SQSTM1: variants seen among roughly 807,000 people sequenced by gnomAD.
SQSTM1 encodes the protein sequestosome-1.
Under a neutral mutation model 45.1 loss-of-function variants are expected in SQSTM1, and 36 were observed. The ratio of observed to expected loss-of-function variants is 0.80; its 90% confidence interval spans 0.61 to 1.05. The LOEUF (loss-of-function observed/expected upper bound fraction) is 1.05. SQSTM1 is among the 50% of genes least tolerant of loss of function. The pLI is 0.00. For missense variants in SQSTM1, 617 were observed against 607.1 expected (o/e 1.02, Z -0.17); for synonymous variants, 290 against 244.3 (o/e 1.19, Z -1.74).
At chr5:179,809,717 C>T (rs138614863) in intron 1 of SQSTM1, among the ~76,000 whole-genome samples, 2,755 of 143,330 alleles carry the variant, frequency 0.019, 70 homozygotes, top group East Asian at 0.16. Context: ...GATCTGGGCT[C>T]ACTGCAACCT....
At chr5:179,808,117 TG>T (rs991620885) in intron 1 of SQSTM1, 3 of 152,318 alleles carry the variant, frequency 2.0e-5, no homozygotes, top group Non-Finnish European at 2.9e-5. Flanking sequence ...TGGTGGAGGC[TG>T]CAGGGACCTC....
At chr5:179,814,103 C>T (rs765036633), upstream of SQSTM1, among the ~76,000 whole-genome samples, 5 of 152,208 alleles carry the variant, frequency 3.3e-5, no homozygotes, top group Non-Finnish European at 5.9e-5. Flanking sequence ...CCTGACCAGC[C>T]TGTGCAATAC....
At chr5:179,823,269 C>G (rs1444060098) in intron 2 of SQSTM1, among the ~76,000 whole-genome samples, 1 of 151,806 alleles carries the variant, frequency 6.6e-6, no homozygotes, top group Non-Finnish European at 1.5e-5. Context: ...AGTTTAAGAA[C>G]AGCCTGGCCA....
chr5:179,833,890 C>T (rs2079227878), intron 7 of SQSTM1, 108 bp downstream of exon 7: 6 of 1,265,554 alleles, frequency 4.7e-6, no homozygotes, highest in Non-Finnish European at 6.8e-6. Context: ...TTCTCCACTG[C>T]AGGGCTGTCT....
At position 179,820,941 on chromosome 5, in the gene SQSTM1, C is replaced by G. The variant is rs377371202; in HGVS notation, c.5C>G (p.Ala2Gly). The G allele has an allele frequency of 7.1e-6, 11 of 1,551,008 alleles. 1 individual carries two copies. Among genetic ancestry groups the G allele is most frequent in the Non-Finnish European group, 8.7e-6 (10 of 1,154,504 alleles). M[A>G]SLTVKAYLLG... ...TCCGCCAGCTCGCCGCTCGCTATGG[C>G]GTCGCTCACCGTGAAGGCCTACCTT... The change falls in exon 1 of 8, where the codon GCG becomes GGG. Residue 2 changes from alanine to glycine, a missense_variant. Ala to Gly is a moderately conservative substitution (Grantham distance 60, BLOSUM62 0). Transcript: ENST00000389805.
Position 179,821,101 on chromosome 5 carries a change from C to T in SQSTM1, c.165C>T (p.Phe55=), listed in dbSNP as rs886060501. 5.6e-6 allele frequency: 8 copies of T among 1,421,348 alleles called. No homozygotes were observed. Among genetic ancestry groups the T allele is most frequent in the South Asian group, 1.4e-5 (1 of 69,618 alleles). The allele number at this position is 1,421,348 out of a possible 1,614,324, so 88.0% of individuals were successfully genotyped here. Residue 55 remains phenylalanine (F), a synonymous_variant, in exon 1 of 8, where the codon TTC becomes TTT. Coordinates refer to ENST00000389805, the MANE Select transcript of SQSTM1 (RefSeq NM_003900.5). ...TGCTGAGCCGGGTGGCCGCCCTGTT[C>T]CCCGCGCTGCGGCCTGGCGGCTTCC... ...ERLLSRVAAL[F]PALRPGGFQA...
chr5:179,831,083 T>G (rs976604759), intron 5 of SQSTM1, among the ~76,000 whole-genome samples: 2 of 152,222 alleles, frequency 1.3e-5, no homozygotes, highest in Non-Finnish European at 2.9e-5. Flanking sequence ...GTCTTAATTA[T>G]TTTAACCTTG....
Position 179,836,325 on chromosome 5 carries a change from C to G in SQSTM1, c.1166-111C>G, listed in dbSNP as rs1261713398. On this transcript the variant is annotated intron_variant, in intron 7 of 7. Transcript: ENST00000389805. ...TGTGAGGACGAGAGCTCTGGGCAGGCTCGGACACTGGCAGACCCTGGTCCT... is the reference window on the plus strand; with the variant it reads ...TGTGAGGACGAGAGCTCTGGGCAGGGTCGGACACTGGCAGACCCTGGTCCT... 2.2e-5 allele frequency: 32 copies of G among 1,466,090 alleles called. No individual in the cohort carries two copies. In the East Asian group the frequency reaches 5.4e-4, roughly 25 times the overall value. The allele number at this position is 1,466,090 out of a possible 1,614,324, so 90.8% of individuals were successfully genotyped here. A position where few individuals can be genotyped will look rare whatever the true frequency, so the allele number is the denominator to read the frequency against.
intron 4 of SQSTM1, among the ~76,000 whole-genome samples, chr5:179,824,791 C>T (rs75045293): frequency 0.016 from 2,461 of 152,270 alleles, 62 homozygotes; most frequent in African/African-American, 0.054. Context: ...CTGTGAATCA[C>T]CTCACCCTTT....
At chr5:179,811,269 T>G (rs1307219099) in intron 1 of SQSTM1, among the ~76,000 whole-genome samples, 2 of 148,974 alleles carry the variant, frequency 1.3e-5, no homozygotes, top group Admixed American at 1.3e-4. Flanking sequence ...CTCCCACACC[T>G]GCCTAAGCAC....
upstream of SQSTM1, among the ~76,000 whole-genome samples, chr5:179,819,334 C>G (rs1008654305): frequency 1.9e-4 from 29 of 152,048 alleles, no homozygotes; most frequent in East Asian, 3.3e-3. Context: ...CCGCCCCCCC[C>G]CCAGTCTCTT....
Position 179,833,758 on chromosome 5 carries a change from G to A in SQSTM1, c.1141G>A (p.Ala381Thr), listed in dbSNP as rs1363860751. 2.5e-6 allele frequency: 4 copies of A among 1,614,136 alleles called. No individual in the cohort carries two copies. Among genetic ancestry groups the A allele is most frequent in the Non-Finnish European group, 2.5e-6 (3 of 1,180,034 alleles). Residue 381 changes from alanine (A) to threonine (T), a missense_variant, in exon 7 of 8, where the codon GCC becomes ACC. Ala to Thr is a moderately conservative substitution (Grantham distance 58). Coordinates refer to ENST00000389805, the MANE Select transcript of SQSTM1 (RefSeq NM_003900.5). ...GGGACCCACAGGGCTGAAGGAAGCTGCCTTGTACCCACATCTCCCGCCAGG... is the reference window on the plus strand; with the variant it reads ...GGGACCCACAGGGCTGAAGGAAGCTACCTTGTACCCACATCTCCCGCCAGG... ...QEGPTGLKEAALYPHLPPEAD... is the reference protein window; with the variant it reads ...QEGPTGLKEATLYPHLPPEAD...
In SQSTM1 at chr5:179,806,450, G is replaced by A; in HGVS notation, c.-298G>A. 1.7e-6 allele frequency: 2 copies of A among 1,199,382 alleles called. No homozygotes were observed. The highest frequency in any genetic ancestry group is 2.1e-6 in the Non-Finnish European group (2 of 941,620). 74.3% of individuals were successfully genotyped at this position (1,199,382 alleles called of 1,614,324 possible). On this transcript the variant is annotated 5_prime_UTR_variant, in exon 1 of 6. Coordinates refer to the SQSTM1 transcript ENST00000514093. This position sits in a 1 kb window ranked among gnomAD's most constrained non-coding sequence, Gnocchi z 4.6. ...GCCCGCTCCCGCCGCCGACGCCCAG[G>A]TGCGCCAGGTGCGGGCCGGGCGGGG... is the stretch of plus-strand genomic sequence containing the variant.
chr5:179,835,719 C>CATCATCATAGCTT (rs1758516985), intron 7 of SQSTM1: 1 of 156,022 alleles, frequency 6.4e-6, no homozygotes, highest in Non-Finnish European at 1.4e-5. Context: ...TATGTCTTTG[C>CATCATCATAGCTT]ATCATCATAG....
chr5:179,820,766 T>A (rs534068817), upstream of SQSTM1: 1 of 552,288 alleles, frequency 1.8e-6, no homozygotes, highest in East Asian at 3.5e-5. Flanking sequence ...GGGAGAGTAG[T>A]GAAGGGGCCT....
chr5:179,837,087 CG>C lies in SQSTM1; in HGVS notation c.*495del. 1.2e-6 allele frequency: 1 copy of C among 865,084 alleles called. No individual in the cohort carries two copies. Among genetic ancestry groups the C allele is most frequent in the Non-Finnish European group, 1.9e-6 (1 of 538,746 alleles). 53.6% of individuals were successfully genotyped at this position (865,084 alleles called of 1,614,324 possible). Reference sequence around the variant, plus strand: ...TTCCTGCTGGGACTGAGAAGGCTCACGAAGGGCATCCGCAATGTTGGTTTCA... The same window carrying C: ...TTCCTGCTGGGACTGAGAAGGCTCACAAGGGCATCCGCAATGTTGGTTTCA... On this transcript the variant is annotated 3_prime_UTR_variant, in exon 8 of 8. Coordinates refer to ENST00000389805, the MANE Select transcript of SQSTM1 (RefSeq NM_003900.5).
In SQSTM1 at chr5:179,820,969, G is replaced by C. The variant is rs1476097073; in HGVS notation, c.33G>C (p.Leu11=). The C allele has an allele frequency of 3.2e-6, 5 of 1,575,234 alleles. No individual in the cohort carries two copies. The East Asian group carries it at 9.7e-5, about 30-fold the overall frequency. The part of the protein sequence containing the change: MASLTVKAYL[L]GKEDAAREIR... ...CGCTCACCGTGAAGGCCTACCTTCTGGGCAAGGAGGACGCGGCGCGCGAGA... is the reference window on the plus strand; with the variant it reads ...CGCTCACCGTGAAGGCCTACCTTCTCGGCAAGGAGGACGCGGCGCGCGAGA... The change falls in exon 1 of 8, where the codon CTG becomes CTC. Residue 11 remains leucine (L), a synonymous_variant. Coordinates refer to ENST00000389805, the MANE Select transcript of SQSTM1 (RefSeq NM_003900.5).
upstream of SQSTM1, chr5:179,820,754 A>C: frequency 2.4e-5 from 12 of 500,042 alleles, no homozygotes; most frequent in East Asian, 3.6e-5. Context: ...GTAGCGGGGA[A>C]GGGGAGAGTA....
chr5:179,836,537 G>C lies in SQSTM1; in HGVS notation c.1267G>C (p.Asp423His), dbSNP rs755901084. ...LTRLLQTKNY[D>H]IGAALDTIQY... ...CAGGCTCCTGCAGACCAAGAACTAT[G>C]ACATCGGAGCGGCTCTGGACACCAT... Residue 423 changes from aspartate (D) to histidine (H), a missense_variant, in exon 8 of 8, where the codon GAC (aspartate) becomes CAC (histidine). Coordinates refer to ENST00000389805, the MANE Select transcript of SQSTM1 (RefSeq NM_003900.5). 2 of 1,614,166 alleles carry C rather than the reference G, an allele frequency of 1.2e-6. No homozygotes were observed. The highest frequency in any genetic ancestry group is 1.7e-5 in the Admixed American group (1 of 60,024).
Sources: gnomAD v4.1 joint callset for allele counts (sites outside exome capture counted in the v4.1 genomes callset) on GRCh38, gnomAD v4.1.1 for gene constraint, Gnocchi (gnomAD v3.1) non-coding constraint, MANE v1.5 for transcripts, NCBI Gene and HGNC (gene_info 2026-07-23, HGNC 2026-07-21) for gene names.